Variants in PCDH15 observed in about 807,000 individuals in gnomAD.
PCDH15 encodes the protein protocadherin related 15, also known as protocadherin-15.
PCDH15 carries 129 observed loss-of-function variants against 178.5 expected under a neutral mutation model. The ratio of observed to expected loss-of-function variants is 0.72; its 90% CI spans 0.63 to 0.84. The LOEUF (loss-of-function observed/expected upper bound fraction) is 0.84. Among genes scored for constraint, PCDH15 ranks in the 40% least tolerant of loss-of-function variants. The probability of loss-of-function intolerance (pLI) is 0.00; values close to 1 mark genes in which losing one functional copy is unlikely to be tolerated. For missense variants in PCDH15, 2,230 were observed against 2,099.9 expected, an observed-to-expected ratio of 1.06 and a Z score of -1.21; for synonymous variants, 800 against 732.0, an observed-to-expected ratio of 1.09 and a Z score of -1.50.
At chr10:55,589,537 T>C (rs1431240388) in intron 2 of PCDH15, among the ~76,000 whole-genome samples, 1 of 151,756 alleles carries the variant, frequency 6.6e-6, no homozygotes, top group African/African-American at 2.4e-5. Flanking sequence ...ACCTACACAA[T>C]GGGAGAAAAT....
chr10:54,901,605 AT>A (rs933220211), intron 2 of PCDH15, among the ~76,000 whole-genome samples: 43 of 152,182 alleles, frequency 2.8e-4, no homozygotes, highest in African/African-American at 9.9e-4. Context: ...AATAAATGTC[AT>A]TTTTTTCTAA....
chr10:55,526,199 A>G (rs1347379280), intron 2 of PCDH15, among the ~76,000 whole-genome samples: 2 of 151,936 alleles, frequency 1.3e-5, no homozygotes, highest in East Asian at 3.9e-4. Context: ...TAGCTATTAA[A>G]CTTTCTAAGC....
rs1194326170 is a variant in PCDH15, at chr10:54,555,503, G to A, written c.92-27626C>T. Among the ~76,000 whole-genome samples the A allele has an allele frequency of 3.3e-5, 5 of 151,782 alleles. No individual in the cohort carries two copies. In the East Asian group the frequency reaches 5.8e-4, roughly 18 times the overall value. Reference sequence around the variant, plus strand: ...TCCCAACACTGTGGGAGGCCGAGGCGGGCAGATCACGAGCTCAGGAGTTTG... The same window carrying A: ...TCCCAACACTGTGGGAGGCCGAGGCAGGCAGATCACGAGCTCAGGAGTTTG... On this transcript the variant is annotated intron_variant, in intron 2 of 37. Transcript: ENST00000644397.
chr10:53,911,828 C>T lies in PCDH15; in HGVS notation c.3374-8458G>A, dbSNP rs375486918. ...TAGCCTACCAACCAAAAACAAAGTCCGGGACCAGACAGATTCACAGCCAAA... is the reference window on the plus strand; with the variant it reads ...TAGCCTACCAACCAAAAACAAAGTCTGGGACCAGACAGATTCACAGCCAAA... On this transcript the variant is annotated intron_variant, in intron 25 of 37. Transcript: ENST00000644397. Among the ~76,000 whole-genome samples, 18 of 152,140 alleles carry T rather than the reference C, an allele frequency of 1.2e-4. No homozygotes were observed. The East Asian group carries it at 1.4e-3, about 11-fold the overall frequency.
At chr10:53,921,941 T>C (rs977186656) in intron 25 of PCDH15, among the ~76,000 whole-genome samples, 2 of 152,214 alleles carry the variant, frequency 1.3e-5, no homozygotes, top group Non-Finnish European at 2.9e-5. Flanking sequence ...AAAGACATTA[T>C]GAAATGTAGA....
At chr10:55,342,079 T>C (rs1844616447) in intron 2 of PCDH15, among the ~76,000 whole-genome samples, 1 of 151,312 alleles carries the variant, frequency 6.6e-6, no homozygotes, top group Non-Finnish European at 1.5e-5. Flanking sequence ...ATCTTTTCAT[T>C]TTATTTGAAT....
chr10:54,044,068 CCTTATAGTA>C (rs2093607540), intron 18 of PCDH15, among the ~76,000 whole-genome samples: 1 of 151,990 alleles, frequency 6.6e-6, no homozygotes, highest in African/African-American at 2.4e-5. Flanking sequence ...GCAGGATATG[CCTTATAGTA>C]TTGGCAGCAC....
chr10:55,410,057 G>A (rs1376702459), intron 2 of PCDH15, among the ~76,000 whole-genome samples: 1 of 152,036 alleles, frequency 6.6e-6, no homozygotes, highest in Non-Finnish European at 1.5e-5. Flanking sequence ...TTGGTATATA[G>A]TGAGTATTAA....
intron 1 of PCDH15, among the ~76,000 whole-genome samples, chr10:55,261,585 A>G (rs1218343960): frequency 6.6e-6 from 1 of 152,178 alleles, no homozygotes; most frequent in Non-Finnish European, 1.5e-5. Context: ...TATTAAACAA[A>G]TACATCCATA....
intron 2 of PCDH15, among the ~76,000 whole-genome samples, chr10:54,983,464 T>C (rs1166477484): frequency 6.6e-6 from 1 of 152,176 alleles, no homozygotes; most frequent in Non-Finnish European, 1.5e-5. Context: ...AATTTTGTAC[T>C]ACATAAGACC....
Position 53,827,496 on chromosome 10 carries a change from C to T in PCDH15, c.4264G>A (p.Ala1422Thr). The T allele has an allele frequency of 6.2e-7, 1 of 1,614,108 alleles. No individual in the cohort carries two copies. Among genetic ancestry groups the T allele is most frequent in the Non-Finnish European group, 8.5e-7 (1 of 1,179,968 alleles). The change falls in exon 32 of 38, where the codon GCT (alanine) becomes ACT (threonine). Residue 1422 changes from alanine (A) to threonine (T), a missense_variant. Coordinates refer to ENST00000644397, the MANE Select transcript of PCDH15 (RefSeq NM_001384140.1). ...TARIQAALPA[A>T]KPAVPAPAPV... is the part of the protein sequence containing the mutation. ...GCAGGAGCCGGCACTGCTGGTTTAG[C>T]CGCGGGTAATGCGGCCTGAATTCGT...
At chr10:54,934,918 T>C (rs891550820) in intron 2 of PCDH15, among the ~76,000 whole-genome samples, 11 of 152,090 alleles carry the variant, frequency 7.2e-5, no homozygotes, top group Non-Finnish European at 1.0e-4. Flanking sequence ...GATGAGTTCA[T>C]GTCCTTTGAA....
Position 55,493,117 on chromosome 10 carries a change from G to T in PCDH15, c.-156+134508C>A, listed in dbSNP as rs896615072. Among the ~76,000 whole-genome samples the T allele has an allele frequency of 2.6e-5, 4 of 151,692 alleles. No individual in the cohort carries two copies. The South Asian group carries it at 8.3e-4, about 31-fold the overall frequency. On this transcript the variant is annotated intron_variant, in intron 2 of 5. Transcript: ENST00000613346. ...GTATAACTAGAGGAGTACAGGGAGG[G>T]ACAGAAAAATATTCGAAGAAATAAA...
intron 2 of PCDH15, among the ~76,000 whole-genome samples, chr10:55,086,178 C>A (rs892736962): frequency 6.6e-6 from 1 of 151,850 alleles, no homozygotes. Flanking sequence ...AATATTAATG[C>A]TAAAACTTTC....
chr10:55,442,943 T>A (rs141826598), intron 2 of PCDH15, among the ~76,000 whole-genome samples: 20 of 152,200 alleles, frequency 1.3e-4, no homozygotes, highest in African/African-American at 4.1e-4. Flanking sequence ...AAGATATAGA[T>A]ATTATAGTAC....
intron 2 of PCDH15, among the ~76,000 whole-genome samples, chr10:55,547,910 TGAGAGA>T (rs763752387): frequency 0.05 from 2,725 of 54,574 alleles, 268 homozygotes; most frequent in East Asian, 0.48. Flanking sequence ...TGTGTGTGTG[TGAGAGA>T]GAGAGAGAGA....
At chr10:54,346,005 G>C (rs1047208683) in intron 6 of PCDH15, among the ~76,000 whole-genome samples, 2 of 151,956 alleles carry the variant, frequency 1.3e-5, no homozygotes, top group Admixed American at 1.3e-4. Context: ...TTGAGGTATA[G>C]CAACAATATT....
intron 1 of PCDH15, among the ~76,000 whole-genome samples, chr10:54,718,772 A>G (rs2095511335): frequency 6.7e-6 from 1 of 148,992 alleles, no homozygotes; most frequent in South Asian, 2.1e-4. Flanking sequence ...GCTCACTGCA[A>G]CCTCCACCTC....
In PCDH15 at chr10:53,807,140, TAAAC is replaced by T. The variant is rs763795550; in HGVS notation, c.4672-14_4672-11del. On this transcript the variant is annotated splice_polypyrimidine_tract_variant and intron_variant, in intron 37 of 37. Coordinates refer to ENST00000644397, the MANE Select transcript of PCDH15 (RefSeq NM_001384140.1). ...TTCTTTTTCTTGCCCACTGATAAAA[TAAAC>T]AAAAATATGTGAGTCACTATCAAAT... 1.0e-5 allele frequency: 16 copies of T among 1,567,074 alleles called. No homozygotes were observed. The highest frequency in any genetic ancestry group is 1.8e-4 in the Middle Eastern group (1 of 5,592).
Sources: allele counts gnomAD v4.1 joint callset (sites outside exome capture counted in the v4.1 genomes callset), GRCh38; gene constraint gnomAD v4.1.1; transcripts MANE v1.5; gene names NCBI Gene and HGNC (gene_info 2026-07-23, HGNC 2026-07-21).